The following TUSC3 variants were observed in gnomAD, a reference collection of about 807,000 sequenced individuals.
TUSC3 encodes tumor suppressor candidate 3.
Under a neutral mutation model 44.8 loss-of-function variants are expected in TUSC3, and 45 were observed. That is an observed-to-expected ratio of 1.00 (90% CI 0.79 to 1.29). TUSC3 has a LOEUF of 1.29. TUSC3 is among the 50% of genes most tolerant of loss of function. The pLI is 0.00. For synonymous variants in TUSC3, 212 were observed against 152.9 expected, an observed-to-expected ratio of 1.39 and a Z score of -2.85; for missense variants, 519 against 437.9, an observed-to-expected ratio of 1.19 and a Z score of -1.65.
chr8:15,797,856 G>A, the TUSC3 span, among the ~76,000 whole-genome samples: 1 of 152,180 alleles, frequency 6.6e-6, no homozygotes, highest in East Asian at 1.9e-4. Context: ...CGTGTTGGGA[G>A]CAATAACTGA....
chr8:15,598,781 T>G (rs1804167634), intron 1 of TUSC3, among the ~76,000 whole-genome samples: 1 of 151,890 alleles, frequency 6.6e-6, no homozygotes, highest in African/African-American at 2.4e-5. Flanking sequence ...TAGCTCATTT[T>G]TTTTTATAGC....
chr8:15,648,755 A>AAAAAAAAAAAAC (rs1806749531), intron 2 of TUSC3, among the ~76,000 whole-genome samples: 2 of 141,574 alleles, frequency 1.4e-5, no homozygotes, highest in Non-Finnish European at 3.1e-5. Context: ...AAAAAAAAAA[A>AAAAAAAAAAAAC]AGACATCTCC....
At chr8:15,641,625 A>G (rs1288959803) in intron 2 of TUSC3, among the ~76,000 whole-genome samples, 2 of 152,188 alleles carry the variant, frequency 1.3e-5, no homozygotes, top group Non-Finnish European at 2.9e-5. Context: ...TAACCTCATG[A>G]CAACTGTTGA....
chr8:15,759,084 T>C (rs562361931), intron 10 of TUSC3, among the ~76,000 whole-genome samples: 65 of 152,214 alleles, frequency 4.3e-4, no homozygotes, highest in African/African-American at 1.3e-3. Flanking sequence ...CATGTGAATG[T>C]AGAGTAGAGA....
At chr8:15,780,895 T>A in the TUSC3 span, among the ~76,000 whole-genome samples, 1 of 152,256 alleles carries the variant, frequency 6.6e-6, no homozygotes, top group Non-Finnish European at 1.5e-5. Flanking sequence ...ATGCAACCAT[T>A]TCCAAAGGCT....
chr8:15,562,806 C>T (rs959936726), intron 1 of TUSC3, among the ~76,000 whole-genome samples: 1 of 152,140 alleles, frequency 6.6e-6, no homozygotes, highest in East Asian at 1.9e-4. Context: ...TATTCCAGAT[C>T]ACTAGGATCA....
chr8:15,841,761 G>A, the TUSC3 span, among the ~76,000 whole-genome samples: 38 of 152,218 alleles, frequency 2.5e-4, no homozygotes, highest in South Asian at 4.1e-3. Flanking sequence ...CGATTTGACC[G>A]CCTTGGCCTC....
At chr8:15,645,701 G>C (rs1585187899) in intron 2 of TUSC3, among the ~76,000 whole-genome samples, 1 of 152,042 alleles carries the variant, frequency 6.6e-6, no homozygotes, top group East Asian at 1.9e-4. Context: ...ATTACTAATA[G>C]GATATCACAT....
the TUSC3 span, among the ~76,000 whole-genome samples, chr8:15,833,139 C>A: frequency 6.6e-6 from 1 of 152,058 alleles, no homozygotes; most frequent in South Asian, 2.1e-4. Flanking sequence ...TAGAAAAATG[C>A]AAATCAAAAC....
At chr8:15,630,798 G>A (rs573843527) in intron 2 of TUSC3, among the ~76,000 whole-genome samples, 2 of 152,038 alleles carry the variant, frequency 1.3e-5, no homozygotes, top group Non-Finnish European at 2.9e-5. Flanking sequence ...CTCATAATGG[G>A]GACTGGTGAA....
chr8:15,520,242 T>C (rs982409250), intron 2 of TUSC3, among the ~76,000 whole-genome samples: 1 of 152,210 alleles, frequency 6.6e-6, no homozygotes, highest in African/African-American at 2.4e-5. Context: ...CAATAGGGAT[T>C]CCTGATTTTT....
chr8:15,633,922 A>T (rs143083470), intron 2 of TUSC3, among the ~76,000 whole-genome samples: 21 of 152,264 alleles, frequency 1.4e-4, no homozygotes, highest in African/African-American at 5.1e-4. Flanking sequence ...GATTCTCACC[A>T]TAAACAAAAC....
chr8:15,426,155 C>T (rs1369892275), intron 1 of TUSC3, among the ~76,000 whole-genome samples: 2 of 152,190 alleles, frequency 1.3e-5, no homozygotes, highest in Admixed American at 6.5e-5. Context: ...GATATGCAAA[C>T]ATTTGTTATC....
At chr8:15,732,625 T>A (rs949462102) in intron 7 of TUSC3, among the ~76,000 whole-genome samples, 1 of 152,168 alleles carries the variant, frequency 6.6e-6, no homozygotes, top group Non-Finnish European at 1.5e-5. Flanking sequence ...AATGTAAACA[T>A]TGAAATGACT....
At chr8:15,801,920 G>C in the TUSC3 span, among the ~76,000 whole-genome samples, 1 of 152,326 alleles carries the variant, frequency 6.6e-6, no homozygotes, top group Non-Finnish European at 1.5e-5. Flanking sequence ...CTGGTGAAAA[G>C]GCATGAATAG....
chr8:15,790,610 T>A, the TUSC3 span, among the ~76,000 whole-genome samples: 1 of 152,074 alleles, frequency 6.6e-6, no homozygotes, highest in African/African-American at 2.4e-5. Flanking sequence ...CTTCATCCTG[T>A]TTGACCCAGG....
chr8:15,834,914 T>C, the TUSC3 span, among the ~76,000 whole-genome samples: 1 of 152,214 alleles, frequency 6.6e-6, no homozygotes, highest in African/African-American at 2.4e-5. Context: ...TGACTTTTCA[T>C]GTGCACAGGT....
intron 1 of TUSC3, among the ~76,000 whole-genome samples, chr8:15,441,521 A>C (rs1389226277): frequency 6.6e-6 from 1 of 152,242 alleles, no homozygotes; most frequent in African/African-American, 2.4e-5. Context: ...TGGAACATAG[A>C]TACTTGAATG....
At chr8:15,752,332 G>T (rs1811742117) in intron 9 of TUSC3, among the ~76,000 whole-genome samples, 1 of 146,686 alleles carries the variant, frequency 6.8e-6, no homozygotes, top group Non-Finnish European at 1.5e-5. Flanking sequence ...CTGCTATGGT[G>T]TGACAGCCTT....
Sources: allele counts gnomAD v4.1 joint callset (sites outside exome capture counted in the v4.1 genomes callset), GRCh38; gene constraint gnomAD v4.1.1; transcripts MANE v1.5; gene names NCBI Gene and HGNC (gene_info 2026-07-23, HGNC 2026-07-21).